The following TTC3 variants were observed in gnomAD, a reference collection of about 807,000 sequenced individuals.
TTC3 encodes the protein E3 ubiquitin-protein ligase TTC3.
Under a neutral mutation model 249.6 loss-of-function variants are expected in TTC3, and 180 were observed. The observed-to-expected ratio is 0.72, with a 90% CI of 0.64 to 0.82. TTC3 has a LOEUF of 0.82. Ranked by LOEUF, TTC3 falls within the 40% of genes least tolerant of loss-of-function variation. The pLI is 0.00. For missense variants in TTC3, 2,061 were observed against 2,398.4 expected (o/e 0.86, Z 2.94); for synonymous variants, 717 against 805.0 (o/e 0.89, Z 1.85).
intron 27 of TTC3, among the ~76,000 whole-genome samples, chr21:37,154,784 C>T (rs1332028296): frequency 6.6e-6 from 1 of 152,152 alleles, no homozygotes; most frequent in African/African-American, 2.4e-5. Flanking sequence ...CAAGCTCCGC[C>T]TCCCGGGTTC....
chr21:37,156,969 G>C, intron 28 of TTC3, 63 bp downstream of exon 28: 1 of 1,545,990 alleles, frequency 6.5e-7, no homozygotes, highest in Non-Finnish European at 8.8e-7. Flanking sequence ...ATCTGTGAAG[G>C]ACCTAGCTTG....
intron 20 of TTC3, among the ~76,000 whole-genome samples, chr21:37,141,418 C>CCCCCCCAGCCA (rs1555888021): frequency 6.6e-6 from 1 of 151,590 alleles, no homozygotes; most frequent in African/African-American, 2.4e-5. Context: ...GGAATCCCCC[C>CCCCCCCAGCCA]CCCAGCCATC....
exon 32 of TTC3, chr21:37,164,181 A>G (rs370876798): frequency 2.5e-6 from 4 of 1,611,026 alleles, no homozygotes; most frequent in South Asian, 1.1e-5. Flanking sequence ...GCTATGGGAC[A>G]TGAACCCAAA....
At chr21:37,126,859 CT>C (rs910021646) in intron 15 of TTC3, among the ~76,000 whole-genome samples, 303 of 143,010 alleles carry the variant, frequency 2.1e-3, no homozygotes, top group Middle Eastern at 3.6e-3. Context: ...CTTTTTCTTT[CT>C]TTTTTTTTTT....
chr21:37,079,384 T>G (rs967430357), intron 1 of TTC3, among the ~76,000 whole-genome samples: 2 of 152,118 alleles, frequency 1.3e-5, no homozygotes, highest in African/African-American at 4.8e-5. Flanking sequence ...GTCATTTGGA[T>G]CTAATGTTTT....
At chr21:37,194,992 C>T in intron 41 of TTC3, 1 of 152,422 alleles carries the variant, frequency 6.6e-6, no homozygotes, top group Non-Finnish European at 1.5e-5. Flanking sequence ...GAGACCAGGC[C>T]CCATGTGTCC....
intron 36 of TTC3, among the ~76,000 whole-genome samples, chr21:37,184,210 G>T (rs2083017711): frequency 6.6e-6 from 1 of 151,990 alleles, no homozygotes; most frequent in Non-Finnish European, 1.5e-5. Context: ...TGGTCATTTT[G>T]TTACTAAAAA....
intron 41 of TTC3, among the ~76,000 whole-genome samples, chr21:37,192,556 T>A (rs761630227): frequency 2.7e-5 from 4 of 147,930 alleles, no homozygotes; most frequent in Non-Finnish European, 5.9e-5. Flanking sequence ...GAACAAATAA[T>A]CCAGGAGTAG....
At chr21:37,187,180 T>C in intron 38 of TTC3, 35 bp downstream of exon 38, 3 of 1,460,684 alleles carry the variant, frequency 2.1e-6, no homozygotes, top group Non-Finnish European at 1.9e-6. Context: ...ACTATGGCAT[T>C]TGTCATTTGT....
chr21:37,116,204 A>G (rs1453275513), intron 11 of TTC3, among the ~76,000 whole-genome samples: 1 of 152,212 alleles, frequency 6.6e-6, no homozygotes, highest in Admixed American at 6.5e-5. Flanking sequence ...CAAATAGTAG[A>G]TTGCAGTTGA....
Position 37,188,555 on chromosome 21 carries a change from CA to C in TTC3, c.4986del (p.Ala1663GlnfsTer5). On this transcript the variant is annotated frameshift_variant, in exon 39 of 46. Transcript: ENST00000355666. LOFTEE classifies it high-confidence loss of function. ...GTATAAGCTACAGATCATGGAGTCACAAGCAGAAGCCTTTCTGAAGAAGCTG... is the reference window on the plus strand; with the variant it reads ...GTATAAGCTACAGATCATGGAGTCACAGCAGAAGCCTTTCTGAAGAAGCTG... The C allele has an allele frequency of 6.2e-7, 1 of 1,614,026 alleles. No homozygotes were observed. The highest frequency in any genetic ancestry group is 8.5e-7 in the Non-Finnish European group (1 of 1,179,982).
At chr21:37,118,685 A>G (rs2076355816) in intron 11 of TTC3, among the ~76,000 whole-genome samples, 1 of 152,114 alleles carries the variant, frequency 6.6e-6, no homozygotes, top group Non-Finnish European at 1.5e-5. Context: ...ATTTGTACAC[A>G]TCTTTCTTTC....
intron 10 of TTC3, chr21:37,100,740 A>G (rs548312403): frequency 4.4e-4 from 67 of 152,364 alleles, no homozygotes; most frequent in African/African-American, 1.5e-3. Flanking sequence ...CTCCCCTTCA[A>G]ATCTTCACAT....
intron 35 of TTC3, among the ~76,000 whole-genome samples, chr21:37,179,769 A>G (rs1390202632): frequency 6.6e-6 from 1 of 152,094 alleles, no homozygotes; most frequent in Admixed American, 6.6e-5. Flanking sequence ...TGAGTAGACA[A>G]GACTACAAAC....
At chr21:37,199,749 A>G (rs1218555235) in intron 44 of TTC3, among the ~76,000 whole-genome samples, 1 of 152,216 alleles carries the variant, frequency 6.6e-6, no homozygotes, top group African/African-American at 2.4e-5. Context: ...TATATGATAC[A>G]TGTTGTCTTG....
chr21:37,167,787 T>A (rs2000416), intron 34 of TTC3, among the ~76,000 whole-genome samples, 167 bp downstream of exon 34: 83,189 of 151,808 alleles, frequency 0.55, 23,314 homozygotes, highest in African/African-American at 0.64. Context: ...TTGTTGAAAT[T>A]TGAGAAGGGA....
chr21:37,200,542 G>C (rs576337336), intron 45 of TTC3, among the ~76,000 whole-genome samples: 3 of 152,210 alleles, frequency 2.0e-5, no homozygotes, highest in Non-Finnish European at 2.9e-5. Flanking sequence ...CTTGTGGGGA[G>C]AGGGGAACAG....
chr21:37,095,235 C>T, intron 8 of TTC3, 115 bp from the exon 9 acceptor site: 3 of 625,404 alleles, frequency 4.8e-6, no homozygotes, highest in South Asian at 2.1e-5. Flanking sequence ...ATAAATAATC[C>T]CCTATGTTAT....
At chr21:37,078,041 A>T (rs2071140925) in intron 1 of TTC3, among the ~76,000 whole-genome samples, 1 of 152,016 alleles carries the variant, frequency 6.6e-6, no homozygotes. Flanking sequence ...AGTGATCCAC[A>T]TTGATTTTTT....
Sources: gnomAD v4.1 joint callset for allele counts (sites outside exome capture counted in the v4.1 genomes callset) on GRCh38, gnomAD v4.1.1 for gene constraint, MANE v1.5 for transcripts, NCBI Gene and HGNC (gene_info 2026-07-23, HGNC 2026-07-21) for gene names.